L3MBTL4: variants seen among roughly 807,000 people sequenced by gnomAD.
The protein encoded by L3MBTL4 is L3MBTL histone methyl-lysine binding protein 4.
Under a neutral mutation model 84.5 loss-of-function variants are expected in L3MBTL4, and 70 were observed. The ratio of observed to expected loss-of-function variants is 0.83; its 90% CI spans 0.68 to 1.01. The LOEUF is 1.01. Among genes scored for constraint, L3MBTL4 ranks in the 50% least tolerant of loss-of-function variants. L3MBTL4 has a pLI of 0.00. For missense variants in L3MBTL4, 715 were observed against 754.8 expected (o/e 0.95, Z 0.62); for synonymous variants, 274 against 259.8 (o/e 1.05, Z -0.52).
At chr18:6,358,748 G>C (rs2053553049) in intron 1 of L3MBTL4, among the ~76,000 whole-genome samples, 1 of 152,178 alleles carries the variant, frequency 6.6e-6, no homozygotes, top group Admixed American at 6.5e-5. Context: ...CAAACACACA[G>C]GAGACTGCCC....
chr18:6,131,545 CA>C (rs11312561), intron 14 of L3MBTL4, among the ~76,000 whole-genome samples: 24,705 of 152,046 alleles, frequency 0.16, 2,320 homozygotes, highest in East Asian at 0.42. Context: ...TTGGAATACA[CA>C]AGTTTTACTC....
intron 4 of L3MBTL4, among the ~76,000 whole-genome samples, chr18:6,265,423 G>A (rs781256739): frequency 6.6e-6 from 1 of 152,182 alleles, no homozygotes; most frequent in Non-Finnish European, 1.5e-5. Context: ...GTTAAGCACT[G>A]ATAAAAGTTG....
chr18:6,160,469 C>T (rs372668286), intron 13 of L3MBTL4, among the ~76,000 whole-genome samples: 58 of 152,242 alleles, frequency 3.8e-4, no homozygotes, highest in African/African-American at 1.3e-3. Flanking sequence ...CGGTGGCTCA[C>T]GCCTGTAATC....
chr18:6,304,675 C>T (rs554149962), intron 3 of L3MBTL4, among the ~76,000 whole-genome samples: 60 of 152,296 alleles, frequency 3.9e-4, no homozygotes, highest in African/African-American at 1.4e-3. Flanking sequence ...GCAAGTGAGA[C>T]GATGAACTCC....
chr18:6,291,323 T>C (rs1286143496), intron 4 of L3MBTL4, among the ~76,000 whole-genome samples: 1 of 152,176 alleles, frequency 6.6e-6, no homozygotes, highest in Non-Finnish European at 1.5e-5. Context: ...TGCTGATCCC[T>C]TTAGTAGAGT....
chr18:5,978,889 C>A (rs1296991250), intron 16 of L3MBTL4, among the ~76,000 whole-genome samples: 1 of 152,182 alleles, frequency 6.6e-6, no homozygotes, highest in East Asian at 1.9e-4. Context: ...GCGTGCTGCT[C>A]TCTCAACTCC....
intron 16 of L3MBTL4, chr18:6,031,412 A>G: frequency 1.0e-6 from 1 of 985,456 alleles, no homozygotes; most frequent in Non-Finnish European, 1.2e-6. Context: ...TGGCCGTCTA[A>G]CTTCTGAACA....
intron 12 of L3MBTL4, among the ~76,000 whole-genome samples, chr18:6,188,727 C>T (rs187560891): frequency 4.6e-5 from 7 of 152,272 alleles, no homozygotes; most frequent in Admixed American, 1.3e-4. Flanking sequence ...TGAGATCTGC[C>T]GAAACCCCAG....
chr18:6,134,165 C>T (rs2059959309), intron 14 of L3MBTL4, among the ~76,000 whole-genome samples: 1 of 152,048 alleles, frequency 6.6e-6, no homozygotes, highest in South Asian at 2.1e-4. Context: ...CCTGATAAAC[C>T]CATCAGATAT....
At chr18:6,108,877 G>A (rs1446238675) in intron 14 of L3MBTL4, among the ~76,000 whole-genome samples, 1 of 152,166 alleles carries the variant, frequency 6.6e-6, no homozygotes, top group Non-Finnish European at 1.5e-5. Context: ...GGTATTACAA[G>A]GAATCTAGAG....
At chr18:5,991,008 C>T (rs78192978) in intron 16 of L3MBTL4, among the ~76,000 whole-genome samples, 4,249 of 152,208 alleles carry the variant, frequency 0.028, 78 homozygotes, top group Middle Eastern at 0.044. Context: ...ACCTTGTTTC[C>T]GTGTCCTGAC....
At chr18:6,239,277 C>G (rs1216371837) in intron 9 of L3MBTL4, among the ~76,000 whole-genome samples, 1 of 144,692 alleles carries the variant, frequency 6.9e-6, no homozygotes, top group Non-Finnish European at 1.5e-5. Flanking sequence ...GGAGGCGAAG[C>G]TTGCAGTGAG....
chr18:6,294,898 T>C (rs2050023754), intron 4 of L3MBTL4, among the ~76,000 whole-genome samples: 1 of 152,158 alleles, frequency 6.6e-6, no homozygotes, highest in African/African-American at 2.4e-5. Context: ...GGAAGTTCTT[T>C]AATAAGGCAA....
chr18:6,292,352 T>C (rs1813289720), intron 4 of L3MBTL4, among the ~76,000 whole-genome samples: 1 of 152,198 alleles, frequency 6.6e-6, no homozygotes, highest in Non-Finnish European at 1.5e-5. Context: ...TTTCTACACA[T>C]TGTTCTCATT....
chr18:6,012,193 CGGA>C (rs1341662323), intron 16 of L3MBTL4, among the ~76,000 whole-genome samples: 4 of 152,002 alleles, frequency 2.6e-5, no homozygotes. Context: ...GCAGAAAACA[CGGA>C]GTGAAGATCA....
chr18:5,978,965 C>G (rs1267040293), intron 16 of L3MBTL4, among the ~76,000 whole-genome samples: 2 of 152,190 alleles, frequency 1.3e-5, no homozygotes, highest in African/African-American at 4.8e-5. Context: ...CGACCTACCT[C>G]TGGGAGGGCA....
chr18:6,351,192 T>A (rs1429469301), intron 1 of L3MBTL4, among the ~76,000 whole-genome samples: 1 of 151,988 alleles, frequency 6.6e-6, no homozygotes. Flanking sequence ...CGAGACTCCA[T>A]CTCGAAAAAA....
intron 13 of L3MBTL4, among the ~76,000 whole-genome samples, chr18:6,155,793 G>C (rs1037358037): frequency 2.0e-5 from 3 of 151,856 alleles, no homozygotes; most frequent in African/African-American, 4.8e-5. Flanking sequence ...CTTGATTCTT[G>C]GTTGCTTAGA....
chr18:6,304,138 T>C (rs1349901305), intron 3 of L3MBTL4, among the ~76,000 whole-genome samples: 1 of 152,212 alleles, frequency 6.6e-6, no homozygotes, highest in Admixed American at 6.5e-5. Context: ...TTTTAACTGA[T>C]GAAATAAATA....
Sources: allele counts gnomAD v4.1 joint callset (sites outside exome capture counted in the v4.1 genomes callset), GRCh38; gene constraint gnomAD v4.1.1; transcripts MANE v1.5; gene names NCBI Gene and HGNC (gene_info 2026-07-23, HGNC 2026-07-21).